The following GRM5 variants were observed in gnomAD, a reference collection of about 807,000 sequenced individuals.
GRM5 encodes glutamate metabotropic receptor 5, also known as metabotropic glutamate receptor 5.
In GRM5, 19 loss-of-function variants were observed where a neutral mutation model predicts 83.1. That is an observed-to-expected ratio of 0.23 (90% confidence interval 0.16 to 0.34). The LOEUF is 0.34. GRM5 is among the 10% of genes least tolerant of loss of function. The pLI is 1.00. For missense variants in GRM5, 1,160 were observed against 1,588.3 expected (o/e 0.73, Z 4.58); for synonymous variants, 675 against 633.6 (o/e 1.07, Z -0.98).
chr11:88,849,944 C>T lies in GRM5; in HGVS notation c.873G>A (p.Arg291=). ...GAAATTCTCCCGCTAGACCCAGGCG[C>T]CTCATGGCCATCAGCAGACCTCTCA... The part of the protein sequence containing the change: ...MTVRGLLMAM[R]RLGLAGEFLL... The change falls in exon 3 of 10, where the codon AGG becomes AGA. Residue 291 remains arginine, a synonymous_variant. Coordinates refer to ENST00000305447, the MANE Select transcript of GRM5 (RefSeq NM_001143831.3). 2.5e-6 allele frequency: 4 copies of T among 1,614,148 alleles called. No individual in the cohort carries two copies. Among genetic ancestry groups the T allele is most frequent in the Non-Finnish European group, 2.5e-6 (3 of 1,179,996 alleles).
At chr11:88,946,588 T>A (rs1260698755) in intron 2 of GRM5, among the ~76,000 whole-genome samples, 3 of 152,078 alleles carry the variant, frequency 2.0e-5, no homozygotes, top group African/African-American at 7.2e-5. Context: ...TTGCATGTTT[T>A]CACTTACAAG....
intron 3 of GRM5, among the ~76,000 whole-genome samples, chr11:88,743,576 T>A (rs899691384): frequency 6.6e-6 from 1 of 152,128 alleles, no homozygotes; most frequent in Admixed American, 6.6e-5. Context: ...ATTGTATCTT[T>A]TCTTCTGTGG....
intron 3 of GRM5, among the ~76,000 whole-genome samples, chr11:88,682,173 A>G (rs944208162): frequency 2.0e-5 from 3 of 152,128 alleles, no homozygotes; most frequent in Admixed American, 2.0e-4. Context: ...ATCTCTATTG[A>G]TATTGATTCT....
At chr11:88,657,755 G>C (rs893153388) in intron 3 of GRM5, among the ~76,000 whole-genome samples, 1 of 151,392 alleles carries the variant, frequency 6.6e-6, no homozygotes, top group Non-Finnish European at 1.5e-5. Flanking sequence ...TTTTTCCTAG[G>C]TCTCTATAAC....
At chr11:88,578,209 A>G (rs539293706) in intron 7 of GRM5, among the ~76,000 whole-genome samples, 5 of 152,174 alleles carry the variant, frequency 3.3e-5, no homozygotes, top group African/African-American at 7.2e-5. Flanking sequence ...CATCACCTCA[A>G]TTAATGTGAT....
At chr11:88,667,081 A>C (rs1217811159) in intron 3 of GRM5, among the ~76,000 whole-genome samples, 1 of 152,226 alleles carries the variant, frequency 6.6e-6, no homozygotes, top group Non-Finnish European at 1.5e-5. Flanking sequence ...TTTTTAAAAA[A>C]GAGAAATTTA....
At chr11:88,827,350 T>C (rs1943910225) in intron 3 of GRM5, among the ~76,000 whole-genome samples, 1 of 152,184 alleles carries the variant, frequency 6.6e-6, no homozygotes, top group African/African-American at 2.4e-5. Context: ...TAGTCACACA[T>C]CCTTACATGC....
chr11:88,847,339 T>C (rs983913784), intron 3 of GRM5, among the ~76,000 whole-genome samples: 7 of 152,196 alleles, frequency 4.6e-5, no homozygotes, highest in African/African-American at 1.7e-4. Context: ...CTTTTACATA[T>C]AGTAAACACT....
Position 88,604,741 on chromosome 11 carries a change from A to C in GRM5, c.1371T>G (p.Asp457Glu). The change falls in exon 5 of 10, where the codon GAT (aspartate) becomes GAG (glutamate). Residue 457 changes from aspartate (D) to glutamate (E), a missense_variant. This residue lies in a region of GRM5 where 132 missense variants were observed against 197.6 expected (regional missense o/e 0.67). Coordinates refer to ENST00000305447, the MANE Select transcript of GRM5 (RefSeq NM_001143831.3). ...ACCTTCCTGGAGAGTCTCCATTCTC[A>C]TCGAATAGGATCGTATCTCCAGAAA... is the stretch of plus-strand genomic sequence containing the variant. The part of the protein sequence containing the change: ...TGVSGDTILF[D>E]ENGDSPGRYE... 1 of 1,611,864 alleles carries C rather than the reference A, an allele frequency of 6.2e-7. No individual in the cohort carries two copies. Among genetic ancestry groups the C allele is most frequent in the Non-Finnish European group, 8.5e-7 (1 of 1,178,016 alleles).
At chr11:88,599,056 G>A (rs1937901834) in intron 5 of GRM5, among the ~76,000 whole-genome samples, 1 of 152,018 alleles carries the variant, frequency 6.6e-6, no homozygotes, top group South Asian at 2.1e-4. Context: ...TCCAAATCCT[G>A]GGTACTGCTC....
At chr11:88,711,422 C>G (rs1941278108) in intron 3 of GRM5, among the ~76,000 whole-genome samples, 1 of 152,048 alleles carries the variant, frequency 6.6e-6, no homozygotes, top group South Asian at 2.1e-4. Flanking sequence ...TCTGGAGGAA[C>G]AAATGAAAGG....
At chr11:88,692,879 T>C (rs1180505823) in intron 3 of GRM5, among the ~76,000 whole-genome samples, 14 of 152,068 alleles carry the variant, frequency 9.2e-5, no homozygotes, top group Non-Finnish European at 2.1e-4. Context: ...TGGGTAATCA[T>C]AGTCAACGTG....
chr11:88,834,883 G>T lies in GRM5; in HGVS notation c.911+15023C>A, dbSNP rs1261665636. ...TTACTTGCAGAGAAACATATATTTA[G>T]TCTACTTTTTCGATTTTAGGGTGTG... On this transcript the variant is annotated intron_variant, in intron 3 of 9. Coordinates refer to ENST00000305447, the MANE Select transcript of GRM5 (RefSeq NM_001143831.3). Among the ~76,000 whole-genome samples, 3 of 152,138 alleles carry T rather than the reference G, an allele frequency of 2.0e-5. No individual in the cohort carries two copies. In the East Asian group the frequency reaches 5.8e-4, roughly 29 times the overall value.
intron 3 of GRM5, among the ~76,000 whole-genome samples, chr11:88,783,363 G>A (rs1943009287): frequency 6.6e-6 from 1 of 152,014 alleles, no homozygotes; most frequent in African/African-American, 2.4e-5. Context: ...TTGAACTTCT[G>A]TGAAATAATA....
At chr11:89,027,978 C>A (rs1018722489) in intron 2 of GRM5, among the ~76,000 whole-genome samples, 1 of 152,106 alleles carries the variant, frequency 6.6e-6, no homozygotes, top group Admixed American at 6.6e-5. Context: ...CCCCCATTTG[C>A]CCTCTTTTCC....
chr11:88,979,803 G>A (rs376709555), intron 2 of GRM5, among the ~76,000 whole-genome samples: 2 of 152,098 alleles, frequency 1.3e-5, no homozygotes, highest in Non-Finnish European at 2.9e-5. Context: ...CTTCCTAATA[G>A]GGGCTTGAGC....
At chr11:88,542,657 T>C (rs756520729) in intron 8 of GRM5, among the ~76,000 whole-genome samples, 3 of 152,212 alleles carry the variant, frequency 2.0e-5, no homozygotes, top group Non-Finnish European at 4.4e-5. Flanking sequence ...GGTTTTCTAC[T>C]TGACATCCAG....
chr11:88,679,893 T>C (rs1451988799), intron 3 of GRM5, among the ~76,000 whole-genome samples: 1 of 151,738 alleles, frequency 6.6e-6, no homozygotes, highest in East Asian at 1.9e-4. Flanking sequence ...AAACCTTAGT[T>C]TCACCTTCCT....
intron 3 of GRM5, among the ~76,000 whole-genome samples, chr11:88,749,954 G>T (rs1042940520): frequency 6.6e-6 from 1 of 152,036 alleles, no homozygotes; most frequent in Non-Finnish European, 1.5e-5. Context: ...ATATGGAAAG[G>T]AAAAACCGTT....
Sources: gnomAD v4.1 joint callset for allele counts (sites outside exome capture counted in the v4.1 genomes callset) on GRCh38, gnomAD v4.1.1 for gene constraint, gnomAD v4.1.1 regional missense constraint, MANE v1.5 for transcripts, NCBI Gene and HGNC (gene_info 2026-07-23, HGNC 2026-07-21) for gene names.